KIAA0319: variants seen among roughly 807,000 people sequenced by gnomAD.
The protein encoded by KIAA0319 is KIAA0319.
Under a neutral mutation model 108.4 loss-of-function variants are expected in KIAA0319, and 83 were observed. The observed-to-expected ratio is 0.77, with a 90% CI of 0.64 to 0.92. The LOEUF is 0.92. Ranked by LOEUF, KIAA0319 falls within the 40% of genes least tolerant of loss-of-function variation. KIAA0319 has a pLI of 0.00. For missense variants in KIAA0319, 1,195 were observed against 1,322.4 expected (o/e 0.90, Z 1.49); for synonymous variants, 484 against 510.4 (o/e 0.95, Z 0.70).
intron 2 of KIAA0319, among the ~76,000 whole-genome samples, chr6:24,597,688 G>A (rs1042954014): frequency 6.6e-6 from 1 of 152,020 alleles, no homozygotes; most frequent in African/African-American, 2.4e-5. Context: ...AGCCCAATCT[G>A]TGGGAATACT....
chr6:24,604,934 G>A (rs896630575), intron 1 of KIAA0319, among the ~76,000 whole-genome samples: 1 of 151,894 alleles, frequency 6.6e-6, no homozygotes, highest in Non-Finnish European at 1.5e-5. Flanking sequence ...TCTTCCTCCC[G>A]GGTTCAAGCG....
intron 6 of KIAA0319, 49 bp downstream of exon 6, chr6:24,582,200 T>C: frequency 1.9e-6 from 2 of 1,041,118 alleles, no homozygotes; most frequent in Non-Finnish European, 3.0e-6. Context: ...AACTGAGCTC[T>C]ATGCCGTTAC....
At chr6:24,588,546 A>G in intron 4 of KIAA0319, 47 bp downstream of exon 4, 1 of 1,519,196 alleles carries the variant, frequency 6.6e-7, no homozygotes, top group Non-Finnish European at 9.1e-7. Flanking sequence ...CAAATTCTAC[A>G]GCCTGTCTTC....
rs796506695 is a variant in KIAA0319, at chr6:24,631,862, G to A, written c.-106+13874C>T. Among the ~76,000 whole-genome samples, 11 of 152,348 alleles carry A rather than the reference G, an allele frequency of 7.2e-5. No individual in the cohort carries two copies. The East Asian group carries it at 1.7e-3, about 24-fold the overall frequency. ...ACCCCCGCCAACGACTATGCAGCCC[G>A]CCCAGCCAGGGCTCCGTCCTCTCCA... On this transcript the variant is annotated intron_variant, in intron 1 of 20. Transcript: ENST00000378214.
intron 10 of KIAA0319, among the ~76,000 whole-genome samples, chr6:24,573,807 T>C (rs1358700662): frequency 6.6e-6 from 1 of 152,224 alleles, no homozygotes; most frequent in Non-Finnish European, 1.5e-5. Context: ...AATTCATGTA[T>C]TAGTTTTGTA....
chr6:24,556,484 G>A (rs1762298219), intron 18 of KIAA0319, 123 bp downstream of exon 18: 4 of 1,062,698 alleles, frequency 3.8e-6, no homozygotes, highest in South Asian at 3.3e-5. Flanking sequence ...TTATTTTTTT[G>A]TAAAGGTGAA....
At position 24,546,049 on chromosome 6, in the gene KIAA0319, C is replaced by T. The variant is rs1760582849; in HGVS notation, c.*1116G>A. ...CTACAATTAACTCCAGTTAATTGCT[C>T]GGGAGTACTGCTTTGTGGGTGGGAA... On this transcript the variant is annotated 3_prime_UTR_variant, in exon 21 of 21. Coordinates refer to ENST00000378214, the MANE Select transcript of KIAA0319 (RefSeq NM_014809.4). 6.6e-6 allele frequency: 1 copy of T among 152,122 alleles called. No homozygotes were observed. The highest frequency in any genetic ancestry group is 6.5e-5 in the Admixed American group (1 of 15,280). The allele number at this position is 152,122 out of a possible 1,614,324, so 9.4% of individuals were successfully genotyped here.
chr6:24,548,647 A>G (rs553257628), intron 20 of KIAA0319, among the ~76,000 whole-genome samples: 1 of 152,326 alleles, frequency 6.6e-6, no homozygotes, highest in South Asian at 2.1e-4. Flanking sequence ...AGGACGGGGA[A>G]GGTCATGGAG....
chr6:24,632,709 G>A (rs1177206186), intron 1 of KIAA0319, among the ~76,000 whole-genome samples: 1 of 152,206 alleles, frequency 6.6e-6, no homozygotes, highest in Non-Finnish European at 1.5e-5. Flanking sequence ...AGCACATGCA[G>A]CTAGAGGCCA....
intron 1 of KIAA0319, among the ~76,000 whole-genome samples, chr6:24,629,020 T>C (rs115354409): frequency 0.013 from 1,984 of 152,282 alleles, 17 homozygotes; most frequent in African/African-American, 0.025. Flanking sequence ...ACACCATTGT[T>C]TGTACTTTTC....
chr6:24,594,198 C>CAAA (rs761107947), intron 3 of KIAA0319, among the ~76,000 whole-genome samples: 6 of 54,410 alleles, frequency 1.1e-4, no homozygotes, highest in Non-Finnish European at 1.9e-4. Context: ...GACTCTGTCT[C>CAAA]AAAAAAAAAA....
chr6:24,572,077 A>G (rs1378698223), intron 11 of KIAA0319, among the ~76,000 whole-genome samples: 1 of 152,276 alleles, frequency 6.6e-6, no homozygotes, highest in East Asian at 1.9e-4. Context: ...AACTGGATAG[A>G]GGTTCTTGGA....
intron 5 of KIAA0319, among the ~76,000 whole-genome samples, 172 bp downstream of exon 5, chr6:24,583,432 C>G (rs1021703686): frequency 5.3e-5 from 8 of 152,328 alleles, no homozygotes; most frequent in Non-Finnish European, 1.0e-4. Flanking sequence ...CCATTTGAAA[C>G]TATTTCAACA....
chr6:24,597,253 A>G (rs73727344), intron 2 of KIAA0319, among the ~76,000 whole-genome samples: 13,671 of 152,250 alleles, frequency 0.09, 1,166 homozygotes, highest in African/African-American at 0.23. Flanking sequence ...TCTCTGTTTT[A>G]TCGTTAATTG....
chr6:24,629,177 TA>T (rs1775148773), intron 1 of KIAA0319, among the ~76,000 whole-genome samples: 1 of 152,064 alleles, frequency 6.6e-6, no homozygotes, highest in Non-Finnish European at 1.5e-5. Flanking sequence ...CTTTACACAC[TA>T]GGGGTTTTCT....
intron 3 of KIAA0319, among the ~76,000 whole-genome samples, chr6:24,593,909 A>G (rs1768949828): frequency 6.6e-6 from 1 of 151,510 alleles, no homozygotes. Context: ...TTTAATTGAA[A>G]GTTTTTTCAG....
intron 14 of KIAA0319, among the ~76,000 whole-genome samples, chr6:24,565,859 G>A (rs1218237790): frequency 6.6e-6 from 1 of 151,416 alleles, no homozygotes; most frequent in Admixed American, 6.6e-5. Flanking sequence ...AACGTAAATA[G>A]CAATCCGTGA....
chr6:24,549,570 C>T (rs1399004242), intron 20 of KIAA0319, among the ~76,000 whole-genome samples: 2 of 152,126 alleles, frequency 1.3e-5, no homozygotes, highest in African/African-American at 2.4e-5. Flanking sequence ...AAGAGCCCAG[C>T]CTCCACCCCA....
intron 1 of KIAA0319, among the ~76,000 whole-genome samples, chr6:24,602,314 T>C (rs1030234376): frequency 6.6e-6 from 1 of 152,228 alleles, no homozygotes; most frequent in Non-Finnish European, 1.5e-5. Context: ...CCAGCCTATA[T>C]TTCATGAATT....
Sources: allele counts gnomAD v4.1 joint callset (sites outside exome capture counted in the v4.1 genomes callset), GRCh38; gene constraint gnomAD v4.1.1; transcripts MANE v1.5; gene names NCBI Gene and HGNC (gene_info 2026-07-23, HGNC 2026-07-21).